Variants in LCOR observed in about 807,000 individuals in gnomAD.
LCOR encodes the protein ligand-dependent corepressor.
In LCOR, 14 loss-of-function variants were observed where a neutral mutation model predicts 64.4. The observed-to-expected ratio is 0.22, with a 90% CI of 0.14 to 0.34. The LOEUF (loss-of-function observed/expected upper bound fraction) is 0.34. LCOR is among the 10% of genes least tolerant of loss of function. LCOR has a pLI of 1.00. For synonymous variants in LCOR, 643 were observed against 642.5 expected (o/e 1.00, Z -0.01); for missense variants, 1,686 against 1,765.3 (o/e 0.96, Z 0.80).
intron 2 of LCOR, among the ~76,000 whole-genome samples, chr10:96,858,658 A>G (rs141088403): frequency 6.6e-6 from 1 of 152,340 alleles, no homozygotes; most frequent in East Asian, 1.9e-4. Context: ...GGGGATGATC[A>G]TAATGTGGAG....
At chr10:96,865,365 G>A (rs1845953208) in intron 2 of LCOR, among the ~76,000 whole-genome samples, 1 of 152,076 alleles carries the variant, frequency 6.6e-6, no homozygotes, top group Non-Finnish European at 1.5e-5. Context: ...TTATACCTAG[G>A]CACTAGATAT....
intron 2 of LCOR, among the ~76,000 whole-genome samples, chr10:96,902,801 C>G (rs1054740315): frequency 5.9e-5 from 9 of 152,184 alleles, no homozygotes; most frequent in Non-Finnish European, 1.2e-4. Context: ...CACCTTTGAA[C>G]TGATACTTTG....
intron 5 of LCOR, among the ~76,000 whole-genome samples, chr10:96,947,710 G>A (rs1303452356): frequency 1.3e-5 from 2 of 151,800 alleles, no homozygotes; most frequent in Non-Finnish European, 2.9e-5. Flanking sequence ...ATTTGTAGTG[G>A]CCACTTACTC....
chr10:96,857,566 C>G (rs1427226800), intron 2 of LCOR, among the ~76,000 whole-genome samples: 1 of 152,134 alleles, frequency 6.6e-6, no homozygotes, highest in African/African-American at 2.4e-5. Flanking sequence ...GATCTTGTCA[C>G]CTGCAGAACA....
In LCOR at chr10:96,981,857, A is replaced by G. The variant is rs776406974; in HGVS notation, c.1397A>G (p.Tyr466Cys). The G allele has an allele frequency of 1.9e-6, 3 of 1,614,250 alleles. No individual in the cohort carries two copies. The Admixed American group carries it at 5.0e-5, about 27-fold the overall frequency. The stretch of plus-strand genomic sequence containing the variant: ...GCATCAGGGCTGAGGATAAATGATT[A>G]TGATAACCAGTGTGATGTTGTTTAT... ...KRASGLRIND[Y>C]DNQCDVVYIS... Residue 466 changes from tyrosine to cysteine, a missense_variant, in exon 8 of 8, where the codon TAT becomes TGT. Tyr to Cys is a radical substitution (Grantham distance 194). Coordinates refer to ENST00000421806, the MANE Select transcript of LCOR (RefSeq NM_001346516.2).
In LCOR at chr10:96,990,862, T is replaced by C. The variant is rs1254000021; in HGVS notation, c.*5728T>C. 6.6e-6 allele frequency: 1 copy of C among 152,098 alleles called. No homozygotes were observed. The highest frequency in any genetic ancestry group is 1.5e-5 in the Non-Finnish European group (1 of 68,046). The allele number at this position is 152,098 out of a possible 1,614,324, so 9.4% of individuals were successfully genotyped here. ...GCTGCCGGGTGAGCACAGACACACA[T>C]ACTTTCTCCCCTAGCTGGGACCATC... On this transcript the variant is annotated 3_prime_UTR_variant, in exon 8 of 8. Transcript: ENST00000421806.
Position 96,984,772 on chromosome 10 carries a change from G to A in LCOR, c.4312G>A (p.Ala1438Thr), listed in dbSNP as rs549716904. 1 of 1,613,812 alleles carries A rather than the reference G, an allele frequency of 6.2e-7. No individual in the cohort carries two copies. Among genetic ancestry groups the A allele is most frequent in the East Asian group, 2.2e-5 (1 of 44,884 alleles). The part of the protein sequence containing the change: ...ATKTPAAKRP[A>T]ARDRSSQPPK... ...CAAAACCCCTGCTGCCAAGAGGCCA[G>A]CTGCAAGGGACAGAAGCAGCCAACC... The change falls in exon 8 of 8, where the codon GCT becomes ACT. Residue 1438 changes from alanine (A) to threonine (T), a missense_variant. This residue lies in a region of LCOR where 1,293 missense variants were observed against 1,410.4 expected (regional missense o/e 0.92). Transcript: ENST00000421806.
Position 96,988,452 on chromosome 10 carries a change from G to T in LCOR, c.*3318G>T, listed in dbSNP as rs1848167691. The T allele has an allele frequency of 6.6e-6, 1 of 152,206 alleles. No individual in the cohort carries two copies. Among genetic ancestry groups the T allele is most frequent in the South Asian group, 2.1e-4 (1 of 4,836 alleles). The allele number at this position is 152,206 out of a possible 1,614,324, so 9.4% of individuals were successfully genotyped here. A position where few individuals can be genotyped will look rare whatever the true frequency, so the allele number is the denominator to read the frequency against. On this transcript the variant is annotated 3_prime_UTR_variant, in exon 8 of 8. Coordinates refer to ENST00000421806, the MANE Select transcript of LCOR (RefSeq NM_001346516.2). The stretch of plus-strand genomic sequence containing the variant: ...CGTATGGATAGAAGAGGTGCCCTTA[G>T]TCATCCCTTTACATATGTGGTGCTT...
intron 4 of LCOR, among the ~76,000 whole-genome samples, chr10:96,931,360 A>T (rs1236403878): frequency 2.0e-5 from 3 of 151,688 alleles, no homozygotes; most frequent in Non-Finnish European, 1.5e-5. Context: ...CAGCTTCCTG[A>T]GTAGCTGGGA....
At chr10:96,911,178 G>A (rs1846827864) in intron 4 of LCOR, among the ~76,000 whole-genome samples, 2 of 146,278 alleles carry the variant, frequency 1.4e-5, no homozygotes, top group South Asian at 2.2e-4. Flanking sequence ...GCTCACTGCA[G>A]CCTCTACCTC....
At chr10:96,957,487 C>T (rs2134537722) in intron 7 of LCOR, 1 of 985,366 alleles carries the variant, frequency 1.0e-6, no homozygotes, top group Non-Finnish European at 1.2e-6. Flanking sequence ...ACAAATTCCA[C>T]ACCACATGTA....
chr10:96,845,104 G>A (rs995631146), intron 2 of LCOR, among the ~76,000 whole-genome samples: 8 of 151,902 alleles, frequency 5.3e-5, no homozygotes, highest in African/African-American at 1.9e-4. Context: ...AGAAGAAATT[G>A]GATAAATTTA....
intron 7 of LCOR, chr10:96,955,962 G>A (rs1040836338): frequency 1.9e-6 from 3 of 1,577,166 alleles, no homozygotes; most frequent in African/African-American, 1.4e-5. Flanking sequence ...AACTGGGTGA[G>A]CACTACTGCA....
chr10:96,880,120 C>A (rs930788344), intron 2 of LCOR, among the ~76,000 whole-genome samples: 1 of 152,160 alleles, frequency 6.6e-6, no homozygotes, highest in African/African-American at 2.4e-5. Context: ...TCTGGCTGGT[C>A]TTTTGCATTC....
chr10:96,978,776 G>A (rs1342837659), intron 7 of LCOR, among the ~76,000 whole-genome samples: 2 of 152,208 alleles, frequency 1.3e-5, no homozygotes, highest in African/African-American at 2.4e-5. Flanking sequence ...GACATGTTCA[G>A]CAACCTTTTC....
intron 2 of LCOR, among the ~76,000 whole-genome samples, chr10:96,877,955 C>G (rs1434691576): frequency 6.6e-6 from 1 of 152,142 alleles, no homozygotes; most frequent in Non-Finnish European, 1.5e-5. Flanking sequence ...ATCCTATTAC[C>G]TACAAAATGT....
chr10:96,989,696 T>TATATATATATATATATATATATATATATA lies in LCOR; in HGVS notation c.*4562_*4563insATATATATATATATATATATATATATATA, dbSNP rs1491204310. On this transcript the variant is annotated 3_prime_UTR_variant, in exon 8 of 8. Transcript: ENST00000421806. ...AAGGATATATATATATATATATATA[T>TATATATATATATATATATATATATATATA]TTTTTTTTTTTTTTTTTTTTTTTAA... is the stretch of plus-strand genomic sequence containing the variant. 1 of 64,628 alleles carries TATATATATATATATATATATATATATATA rather than the reference T, an allele frequency of 1.5e-5. No homozygotes were observed. The highest frequency in any genetic ancestry group is 1.1e-4 in the African/African-American group (1 of 9,062). 4.0% of individuals were successfully genotyped at this position (64,628 alleles called of 1,614,324 possible).
rs189216521 is a variant in LCOR at position 96,916,675 on chromosome 10, C to T, written c.-184+8928C>T. On this transcript the variant is annotated intron_variant, in intron 4 of 7. Coordinates refer to ENST00000421806, the MANE Select transcript of LCOR (RefSeq NM_001346516.2). ...TGTCTCCCAAGCTGGAGTACGGTGG[C>T]ACGATCTCAGCTCGCTGCAACCCTC... Among the ~76,000 whole-genome samples the T allele has an allele frequency of 3.2e-3, 482 of 151,380 alleles. 3 individuals are homozygous for T. Among genetic ancestry groups the T allele is most frequent in the African/African-American group, 0.011 (464 of 41,132 alleles).
chr10:96,833,779 T>A (rs1845391586), intron 2 of LCOR, among the ~76,000 whole-genome samples: 1 of 152,132 alleles, frequency 6.6e-6, no homozygotes, highest in Admixed American at 6.5e-5. Flanking sequence ...CCCGACAGGG[T>A]TTCGTTGGAA....
Sources: gnomAD v4.1 joint callset for allele counts (sites outside exome capture counted in the v4.1 genomes callset) on GRCh38, gnomAD v4.1.1 for gene constraint, gnomAD v4.1.1 regional missense constraint, MANE v1.5 for transcripts, NCBI Gene and HGNC (gene_info 2026-07-23, HGNC 2026-07-21) for gene names.